GEMIN5: variants seen among roughly 807,000 people sequenced by gnomAD.
GEMIN5 encodes the protein gem nuclear organelle associated protein 5.
GEMIN5 carries 124 observed loss-of-function variants against 176.9 expected under a neutral mutation model. That is an observed-to-expected ratio of 0.70 (90% CI 0.61 to 0.81). The LOEUF (loss-of-function observed/expected upper bound fraction) is 0.81, where lower values mean the gene tolerates loss of function less well. Ranked by LOEUF, GEMIN5 falls within the 40% of genes least tolerant of loss-of-function variation. The probability of loss-of-function intolerance (pLI) is 0.00; values close to 1 mark genes in which losing one functional copy is unlikely to be tolerated. For synonymous variants in GEMIN5, 673 were observed against 665.2 expected, an observed-to-expected ratio of 1.01 and a Z score of -0.18; for missense variants, 1,843 against 1,814.6, an observed-to-expected ratio of 1.02 and a Z score of -0.28.
intron 23 of GEMIN5, among the ~76,000 whole-genome samples, chr5:154,897,396 T>C (rs1185302985): frequency 1.3e-5 from 2 of 152,254 alleles, no homozygotes; most frequent in Non-Finnish European, 2.9e-5. Context: ...CTTTAATCTG[T>C]TTTGATGTGT....
In GEMIN5 at chr5:154,898,424, G is replaced by A; in HGVS notation, c.3345+16C>T. On this transcript the variant is annotated intron_variant, in intron 23 of 27. Transcript: ENST00000285873. The stretch of plus-strand genomic sequence containing the variant: ...ACTTCCCTCTTGTATACTAGGAGAT[G>A]AAATAACAGACTGACCTGTAGACTT... The A allele has an allele frequency of 2.5e-6, 4 of 1,599,426 alleles. No individual in the cohort carries two copies. Among genetic ancestry groups the A allele is most frequent in the Middle Eastern group, 1.7e-4 (1 of 5,992 alleles).
intron 6 of GEMIN5, 53 bp from the exon 7 acceptor site, chr5:154,927,603 G>GT: frequency 7.2e-7 from 1 of 1,381,018 alleles, no homozygotes; most frequent in Non-Finnish European, 1.0e-6. Flanking sequence ...CTGAAAACAA[G>GT]TGACTGTTGA....
intron 26 of GEMIN5, among the ~76,000 whole-genome samples, chr5:154,890,526 T>C (rs1047641526): frequency 2.0e-5 from 3 of 151,304 alleles, no homozygotes; most frequent in Admixed American, 1.3e-4. Context: ...ATGAGTGGCA[T>C]GATCGTATCT....
At chr5:154,913,511 G>C (rs937016827) in intron 13 of GEMIN5, among the ~76,000 whole-genome samples, 4 of 152,162 alleles carry the variant, frequency 2.6e-5, no homozygotes, top group Non-Finnish European at 5.9e-5. Flanking sequence ...TTCCTCAAAA[G>C]TGTCACATAA....
At position 154,902,645 on chromosome 5, in the gene GEMIN5, C is replaced by G. The variant is rs752556952; in HGVS notation, c.2760G>C (p.Glu920Asp). The change falls in exon 20 of 28, where the codon GAG (glutamate) becomes GAC (aspartate). Residue 920 changes from glutamate (E) to aspartate (D), a missense_variant. Transcript: ENST00000285873. ...GKGHLENGHPELFHQLMLWKG... is the reference protein window; with the variant it reads ...GKGHLENGHPDLFHQLMLWKG... Reference sequence around the variant, plus strand: ...TCCAAAGCATAAGCTGGTGAAATAACTCAGGGTGGCCATTTTCTAAGTGAC... The same window carrying G: ...TCCAAAGCATAAGCTGGTGAAATAAGTCAGGGTGGCCATTTTCTAAGTGAC... 5 of 1,614,036 alleles carry G rather than the reference C, an allele frequency of 3.1e-6. No homozygotes were observed. In the South Asian group the frequency reaches 5.5e-5, roughly 18 times the overall value.
intron 2 of GEMIN5, among the ~76,000 whole-genome samples, chr5:154,936,555 CTTA>C (rs1169432778): frequency 1.3e-5 from 2 of 152,150 alleles, no homozygotes; most frequent in African/African-American, 4.8e-5. Flanking sequence ...ATGCAAAGTT[CTTA>C]TTAAGTAGGT....
rs1280154917 is a variant in GEMIN5, at chr5:154,911,906, CA to C, written c.1996-9del. 2 of 1,610,404 alleles carry C rather than the reference CA, an allele frequency of 1.2e-6. No individual in the cohort carries two copies. The highest frequency in any genetic ancestry group is 1.1e-5 in the South Asian group (1 of 90,328). Reference sequence around the variant, plus strand: ...CCGGAGAGCATCCCACACCTAAACCCAAAAGCACATGGCCGAAAAGACATTT... The same window carrying C: ...CCGGAGAGCATCCCACACCTAAACCCAAAGCACATGGCCGAAAAGACATTT... On this transcript the variant is annotated splice_polypyrimidine_tract_variant and intron_variant, in intron 14 of 27. Coordinates refer to ENST00000285873, the MANE Select transcript of GEMIN5 (RefSeq NM_015465.5).
chr5:154,907,297 T>C (rs1438866446), intron 16 of GEMIN5, among the ~76,000 whole-genome samples: 1 of 152,188 alleles, frequency 6.6e-6, no homozygotes, highest in African/African-American at 2.4e-5. Flanking sequence ...TAAGTTCCTA[T>C]GTACACAACT....
chr5:154,910,124 G>C (rs946572158), intron 15 of GEMIN5, among the ~76,000 whole-genome samples: 3 of 151,860 alleles, frequency 2.0e-5, no homozygotes, highest in African/African-American at 7.2e-5. Flanking sequence ...TTGTGGAATA[G>C]AAGCCTACTG....
intron 16 of GEMIN5, among the ~76,000 whole-genome samples, chr5:154,906,635 G>A (rs780755197): frequency 3.9e-5 from 6 of 152,236 alleles, no homozygotes; most frequent in East Asian, 3.9e-4. Flanking sequence ...GGCCTCAAGC[G>A]GTTCTCCTGC....
At chr5:154,918,063 A>G (rs1423021631) in intron 11 of GEMIN5, 59 bp from the exon 12 acceptor site, 10 of 1,053,340 alleles carry the variant, frequency 9.5e-6, no homozygotes, top group African/African-American at 4.7e-5. Context: ...CAGCAATGAC[A>G]GCATGAGAAA....
chr5:154,907,083 T>TA (rs1763582635), intron 16 of GEMIN5, among the ~76,000 whole-genome samples: 1 of 152,194 alleles, frequency 6.6e-6, no homozygotes, highest in African/African-American at 2.4e-5. Flanking sequence ...CACTACAGCT[T>TA]AACTCACTAG....
intron 26 of GEMIN5, among the ~76,000 whole-genome samples, chr5:154,890,841 G>T (rs1458826831): frequency 6.6e-6 from 1 of 152,080 alleles, no homozygotes; most frequent in Non-Finnish European, 1.5e-5. Flanking sequence ...TTGACTCACT[G>T]CAACCTCTGC....
chr5:154,922,559 T>G lies in GEMIN5; in HGVS notation c.1380-1134A>C, dbSNP rs1763946100. ...CACTCTCTGGCTATTACATGGCTTT[T>G]GTACTGTTAGTCTGAATATTCAGCT... On this transcript the variant is annotated intron_variant, in intron 9 of 27. Coordinates refer to ENST00000285873, the MANE Select transcript of GEMIN5 (RefSeq NM_015465.5). Among the ~76,000 whole-genome samples, 2 of 152,210 alleles carry G rather than the reference T, an allele frequency of 1.3e-5. 1 individual carries two copies. Among genetic ancestry groups the G allele is most frequent in the African/African-American group, 4.8e-5 (2 of 41,456 alleles).
At chr5:154,896,438 G>T (rs927669184) in intron 23 of GEMIN5, 95 bp from the exon 24 acceptor site, 1 of 1,298,388 alleles carries the variant, frequency 7.7e-7, no homozygotes, top group Non-Finnish European at 1.0e-6. Context: ...ATTTCCCTTT[G>T]TATCTGCAGC....
intron 13 of GEMIN5, among the ~76,000 whole-genome samples, chr5:154,913,333 G>C (rs1191938062): frequency 6.6e-6 from 1 of 152,158 alleles, no homozygotes; most frequent in East Asian, 1.9e-4. Flanking sequence ...TAGTTATTAA[G>C]AGTGTGGACA....
At chr5:154,931,213 A>T (rs1764154589) in intron 5 of GEMIN5, among the ~76,000 whole-genome samples, 1 of 152,234 alleles carries the variant, frequency 6.6e-6, no homozygotes, top group Admixed American at 6.5e-5. Context: ...CCAAACACTG[A>T]CCCTTCTATA....
intron 25 of GEMIN5, 32 bp from the exon 26 acceptor site, chr5:154,891,774 G>T: frequency 6.5e-7 from 1 of 1,538,400 alleles, no homozygotes. Context: ...ACTGGGTCAT[G>T]CATTTCTCTA....
intron 24 of GEMIN5, among the ~76,000 whole-genome samples, chr5:154,894,602 C>G (rs896283384): frequency 1.3e-5 from 2 of 151,812 alleles, no homozygotes; most frequent in African/African-American, 4.8e-5. Context: ...GAAACCCTGT[C>G]TCTACTAAAA....
Sources: allele counts gnomAD v4.1 joint callset (sites outside exome capture counted in the v4.1 genomes callset), GRCh38; gene constraint gnomAD v4.1.1; transcripts MANE v1.5; gene names NCBI Gene and HGNC (gene_info 2026-07-23, HGNC 2026-07-21).